Variants in NCKAP5 observed in about 807,000 individuals in gnomAD.
The protein encoded by NCKAP5 is nck-associated protein 5.
A neutral mutation model predicts 167.0 loss-of-function variants in NCKAP5; 92 were observed. That is an observed-to-expected ratio of 0.55 (90% CI 0.47 to 0.66). The LOEUF is 0.66. NCKAP5 is among the 30% of genes least tolerant of loss of function. The probability of loss-of-function intolerance (pLI) is 0.00; values close to 1 mark genes in which losing one functional copy is unlikely to be tolerated. For missense variants in NCKAP5, 2,378 were observed against 2,315.0 expected, an observed-to-expected ratio of 1.03 and a Z score of -0.56; for synonymous variants, 891 against 877.4, an observed-to-expected ratio of 1.02 and a Z score of -0.27.
the NCKAP5 span, among the ~76,000 whole-genome samples, chr2:133,654,975 G>A: frequency 6.6e-6 from 1 of 152,212 alleles, no homozygotes; most frequent in East Asian, 1.9e-4. Context: ...CAAAGCTGCT[G>A]TTGGCTGAGA....
chr2:132,881,157 C>T (rs753721989), intron 8 of NCKAP5, among the ~76,000 whole-genome samples: 6 of 151,980 alleles, frequency 3.9e-5, no homozygotes, highest in Non-Finnish European at 5.9e-5. Context: ...ATCTCTAATC[C>T]GGAATACCTT....
At chr2:133,083,904 C>CT (rs2080895862) in intron 6 of NCKAP5, among the ~76,000 whole-genome samples, 1 of 152,142 alleles carries the variant, frequency 6.6e-6, no homozygotes, top group African/African-American at 2.4e-5. Context: ...GGCAGAAGAA[C>CT]TTTGTTTCTG....
rs560984077 is a variant in NCKAP5 at position 132,682,857 on chromosome 2, C to T, written c.5714-9552G>A. Among the ~76,000 whole-genome samples the T allele has an allele frequency of 2.0e-5, 3 of 151,582 alleles. No homozygotes were observed. In the South Asian group the frequency reaches 6.3e-4, roughly 32 times the overall value. ...GAGTCTGGTGACTTTCTGAAATTGACATGTTTAAATCAGAATTTCTTTCTT... is the reference window on the plus strand; with the variant it reads ...GAGTCTGGTGACTTTCTGAAATTGATATGTTTAAATCAGAATTTCTTTCTT... On this transcript the variant is annotated intron_variant, in intron 19 of 19. Transcript: ENST00000409261.
At chr2:133,412,230 C>T (rs1688819893) in intron 3 of NCKAP5, among the ~76,000 whole-genome samples, 1 of 152,254 alleles carries the variant, frequency 6.6e-6, no homozygotes, top group East Asian at 1.9e-4. Context: ...CGCAGAGAGC[C>T]CTCTCTTTTT....
intron 8 of NCKAP5, among the ~76,000 whole-genome samples, chr2:132,957,664 C>A (rs1296655817): frequency 6.6e-6 from 1 of 152,092 alleles, no homozygotes; most frequent in East Asian, 1.9e-4. Flanking sequence ...GTCAAAGAAA[C>A]CAGAAAGCTA....
At chr2:133,016,743 T>G (rs1193376614) in intron 6 of NCKAP5, among the ~76,000 whole-genome samples, 1 of 152,184 alleles carries the variant, frequency 6.6e-6, no homozygotes, top group East Asian at 1.9e-4. Flanking sequence ...GATAGCTGAG[T>G]CTGGCCAATA....
the NCKAP5 span, among the ~76,000 whole-genome samples, chr2:133,593,372 T>TAA: frequency 1.4e-5 from 2 of 145,014 alleles, no homozygotes; most frequent in African/African-American, 5.0e-5. Context: ...CTGACAAAAT[T>TAA]AAAAAAAAAA....
intron 2 of NCKAP5, among the ~76,000 whole-genome samples, chr2:133,528,343 G>A (rs76397379): frequency 0.089 from 13,319 of 150,184 alleles, 975 homozygotes; most frequent in African/African-American, 0.21. Context: ...TTTCCCATGT[G>A]TAGGTTGTTT....
intron 8 of NCKAP5, among the ~76,000 whole-genome samples, chr2:132,917,718 C>A (rs1241224881): frequency 6.6e-6 from 1 of 152,156 alleles, no homozygotes; most frequent in Non-Finnish European, 1.5e-5. Flanking sequence ...ATCCAGCTCC[C>A]ATGAGCTCTT....
intron 3 of NCKAP5, among the ~76,000 whole-genome samples, chr2:133,385,459 T>C (rs1686876786): frequency 6.6e-6 from 1 of 152,252 alleles, no homozygotes; most frequent in African/African-American, 2.4e-5. Flanking sequence ...CAGTATTTTA[T>C]TGAGGATTTT....
intron 4 of NCKAP5, chr2:133,266,463 CGGCGCGCAGGG>C (rs372128399): frequency 1.3e-5 from 2 of 152,168 alleles, no homozygotes; most frequent in African/African-American, 4.8e-5. Flanking sequence ...GCTAGGGTGG[CGGCGCGCAGGG>C]GGCGCGCCTG....
intron 12 of NCKAP5, among the ~76,000 whole-genome samples, chr2:132,791,301 T>A (rs917090408): frequency 6.6e-6 from 1 of 152,244 alleles, no homozygotes; most frequent in African/African-American, 2.4e-5. Flanking sequence ...GCTTTTCATA[T>A]CCAGTCCTTG....
chr2:132,679,701 G>A (rs531031587), intron 19 of NCKAP5, among the ~76,000 whole-genome samples: 6 of 152,280 alleles, frequency 3.9e-5, no homozygotes, highest in African/African-American at 1.4e-4. Context: ...GAGACGGTCT[G>A]TTTAATCAAG....
At chr2:133,400,186 T>A (rs1688007393) in intron 3 of NCKAP5, among the ~76,000 whole-genome samples, 1 of 152,124 alleles carries the variant, frequency 6.6e-6, no homozygotes, top group African/African-American at 2.4e-5. Flanking sequence ...GGATCACAAT[T>A]TTTAATCTCC....
At position 133,001,311 on chromosome 2, in the gene NCKAP5, C is replaced by T. The variant is rs532275788; in HGVS notation, c.342-7072G>A. On this transcript the variant is annotated intron_variant, in intron 6 of 19. Transcript: ENST00000409261. ...CTCGACTCACTGCAACCTTTGCTTC[C>T]CAGGCTCAAGTGATTGTCCAGCCTC... Among the ~76,000 whole-genome samples the T allele has an allele frequency of 2.6e-5, 4 of 151,422 alleles. No homozygotes were observed. The East Asian group carries it at 7.8e-4, about 29-fold the overall frequency.
At chr2:133,387,688 C>G (rs931845263) in intron 3 of NCKAP5, among the ~76,000 whole-genome samples, 3 of 152,158 alleles carry the variant, frequency 2.0e-5, no homozygotes, top group Admixed American at 2.0e-4. Context: ...ACCAGTCAGA[C>G]GTAGATTTGG....
intron 6 of NCKAP5, among the ~76,000 whole-genome samples, chr2:133,081,308 T>C (rs2080798121): frequency 6.6e-6 from 1 of 152,160 alleles, no homozygotes; most frequent in African/African-American, 2.4e-5. Flanking sequence ...AATGCTGATG[T>C]AAAAACTAAA....
intron 19 of NCKAP5, among the ~76,000 whole-genome samples, chr2:132,719,689 A>G (rs1689724077): frequency 6.6e-6 from 1 of 152,224 alleles, no homozygotes. Flanking sequence ...AGGCCGAGGC[A>G]GTGCTGGGGT....
intron 11 of NCKAP5, among the ~76,000 whole-genome samples, chr2:132,846,836 C>T (rs1230812961): frequency 6.6e-6 from 1 of 152,164 alleles, no homozygotes; most frequent in Non-Finnish European, 1.5e-5. Context: ...TTTAGAGTCT[C>T]TAACATGTAA....
Sources: gnomAD v4.1 joint callset for allele counts (sites outside exome capture counted in the v4.1 genomes callset) on GRCh38, gnomAD v4.1.1 for gene constraint, MANE v1.5 for transcripts, NCBI Gene and HGNC (gene_info 2026-07-23, HGNC 2026-07-21) for gene names.